Variants in FLVCR2 observed in about 807,000 individuals in gnomAD.
The protein encoded by FLVCR2 is choline/ethanolamine transporter FLVCR2.
A neutral mutation model predicts 48.9 loss-of-function variants in FLVCR2; 38 were observed. That is an observed-to-expected ratio of 0.78 (90% CI 0.60 to 1.02). FLVCR2 has a LOEUF of 1.02. Among genes scored for constraint, FLVCR2 ranks in the 50% least tolerant of loss-of-function variants. FLVCR2 has a pLI of 0.00. For missense variants in FLVCR2, 664 were observed against 663.3 expected (o/e 1.00, Z -0.01); for synonymous variants, 255 against 257.0 (o/e 0.99, Z 0.07).
intron 1 of FLVCR2, among the ~76,000 whole-genome samples, chr14:75,581,977 C>T (rs759846796): frequency 7.9e-5 from 12 of 152,262 alleles, no homozygotes; most frequent in Middle Eastern, 3.4e-3. Context: ...GTCCAAGAAC[C>T]GTTTGCCTTG....
At chr14:75,628,264 G>A (rs28437714) in intron 3 of FLVCR2, among the ~76,000 whole-genome samples, 2,646 of 152,152 alleles carry the variant, frequency 0.017, 71 homozygotes, top group African/African-American at 0.061. Context: ...ACAGGTACCC[G>A]CCACCACATC....
intron 1 of FLVCR2, among the ~76,000 whole-genome samples, chr14:75,599,769 A>G (rs1188073242): frequency 6.6e-6 from 1 of 152,244 alleles, no homozygotes; most frequent in East Asian, 1.9e-4. Flanking sequence ...CATATAGACC[A>G]ATGAAATAGA....
rs576373194 is a variant in FLVCR2 at position 75,586,162 on chromosome 14, C to T, written c.669+6521C>T. 1.4e-4 allele frequency among the ~76,000 whole-genome samples: 21 copies of T among 152,160 alleles called. No homozygotes were observed. The East Asian group carries it at 3.7e-3, about 27-fold the overall frequency. ...CACCTGGGTGCAGGCAGGCTGAATCCGAAAAAGGAGTCAGCAAAGGGCGGG... is the reference window on the plus strand; with the variant it reads ...CACCTGGGTGCAGGCAGGCTGAATCTGAAAAAGGAGTCAGCAAAGGGCGGG... On this transcript the variant is annotated intron_variant, in intron 1 of 9. Transcript: ENST00000238667.
intron 1 of FLVCR2, among the ~76,000 whole-genome samples, chr14:75,594,805 A>C (rs1391088763): frequency 1.3e-5 from 2 of 151,790 alleles, no homozygotes; most frequent in African/African-American, 4.9e-5. Flanking sequence ...CCTCAGCCCC[A>C]ACCTCCTGGG....
intron 1 of FLVCR2, chr14:75,596,198 G>A (rs2140013150): frequency 1.4e-6 from 1 of 707,408 alleles, no homozygotes; most frequent in South Asian, 1.5e-5. Context: ...TAGTTACTGT[G>A]TCGTTCATGA....
intron 1 of FLVCR2, among the ~76,000 whole-genome samples, chr14:75,606,475 C>A (rs1889293531): frequency 6.6e-6 from 1 of 152,104 alleles, no homozygotes; most frequent in South Asian, 2.1e-4. Context: ...TTGAGCACAC[C>A]CAGGATTCAT....
At chr14:75,588,742 G>A (rs1310181495) in intron 1 of FLVCR2, among the ~76,000 whole-genome samples, 1 of 152,210 alleles carries the variant, frequency 6.6e-6, no homozygotes, top group African/African-American at 2.4e-5. Context: ...GCCTCCCAAA[G>A]TGTTTGGATT....
intron 1 of FLVCR2, among the ~76,000 whole-genome samples, chr14:75,614,094 A>G (rs1889541632): frequency 6.6e-6 from 1 of 152,244 alleles, no homozygotes; most frequent in Non-Finnish European, 1.5e-5. Flanking sequence ...CATCATACTG[A>G]ATGCTTTAAA....
At chr14:75,639,603 C>A (rs184132000) in intron 6 of FLVCR2, 141 bp downstream of exon 6, 1 of 719,654 alleles carries the variant, frequency 1.4e-6, no homozygotes. Context: ...CCAGGGGTCT[C>A]GGTAATACTT....
chr14:75,634,877 G>A (rs368629503), intron 4 of FLVCR2, 33 bp from the exon 5 acceptor site: 37 of 1,476,206 alleles, frequency 2.5e-5, no homozygotes, highest in African/African-American at 6.9e-5. Flanking sequence ...TTGTCCCATC[G>A]CCGGGTGATC....
chr14:75,645,248 G>A (rs1443587945), intron 9 of FLVCR2, among the ~76,000 whole-genome samples: 1 of 152,190 alleles, frequency 6.6e-6, no homozygotes, highest in East Asian at 1.9e-4. Context: ...ACTCCCTGGG[G>A]AAGAAAGCAC....
Position 75,641,174 on chromosome 14 carries a change from C to G in FLVCR2, c.1342-8C>G. On this transcript the variant is annotated splice_polypyrimidine_tract_variant and splice_region_variant and intron_variant, in intron 7 of 9. Transcript: ENST00000238667. The stretch of plus-strand genomic sequence containing the variant: ...CCCTTGTTTCCTATCTTCTTTATGC[C>G]TTTCCAGGTATTTGGGATCATCTTT... 1 of 1,602,292 alleles carries G rather than the reference C, an allele frequency of 6.2e-7. No individual in the cohort carries two copies. Among genetic ancestry groups the G allele is most frequent in the Non-Finnish European group, 8.6e-7 (1 of 1,169,274 alleles).
chr14:75,619,170 T>C (rs184019383), intron 1 of FLVCR2, among the ~76,000 whole-genome samples: 1 of 152,124 alleles, frequency 6.6e-6, no homozygotes, highest in Admixed American at 6.5e-5. Context: ...GAGGTTGCAG[T>C]GAACTGAGAT....
At chr14:75,598,844 GT>G (rs1889090108) in intron 1 of FLVCR2, among the ~76,000 whole-genome samples, 1 of 152,240 alleles carries the variant, frequency 6.6e-6, no homozygotes, top group African/African-American at 2.4e-5. Flanking sequence ...TTAAGTCTAA[GT>G]CTTCAGTTTC....
intron 1 of FLVCR2, among the ~76,000 whole-genome samples, chr14:75,621,277 G>A (rs2017993): frequency 0.62 from 93,901 of 151,802 alleles, 31,118 homozygotes; most frequent in Non-Finnish European, 0.73. Context: ...CAGGTGTGGC[G>A]CACGCCTGTA....
chr14:75,635,562 C>T (rs1890146743), intron 5 of FLVCR2, among the ~76,000 whole-genome samples: 1 of 152,134 alleles, frequency 6.6e-6, no homozygotes, highest in South Asian at 2.1e-4. Flanking sequence ...GAGCCTGGAG[C>T]TATTTTAAAA....
chr14:75,613,195 T>C (rs1889506226), intron 1 of FLVCR2, among the ~76,000 whole-genome samples: 1 of 152,100 alleles, frequency 6.6e-6, no homozygotes, highest in South Asian at 2.1e-4. Context: ...CTGGGTGATA[T>C]ATAAAGAAAA....
intron 1 of FLVCR2, among the ~76,000 whole-genome samples, chr14:75,593,794 G>A (rs1441696114): frequency 1.3e-5 from 2 of 152,220 alleles, no homozygotes; most frequent in African/African-American, 2.4e-5. Flanking sequence ...AGGCCTGGTT[G>A]CCTTCTGTCT....
chr14:75,590,436 A>T (rs900598834), intron 1 of FLVCR2, among the ~76,000 whole-genome samples: 4 of 152,330 alleles, frequency 2.6e-5, no homozygotes, highest in Admixed American at 1.3e-4. Flanking sequence ...GTCCTTTCAC[A>T]TACAAAATAC....
Sources: gnomAD v4.1 joint callset for allele counts (sites outside exome capture counted in the v4.1 genomes callset) on GRCh38, gnomAD v4.1.1 for gene constraint, MANE v1.5 for transcripts, NCBI Gene and HGNC (gene_info 2026-07-23, HGNC 2026-07-21) for gene names.